Variants in MGST2 observed in about 807,000 individuals in gnomAD.
MGST2 encodes glutathione peroxidase MGST2.
A neutral mutation model predicts 16.6 loss-of-function variants in MGST2; 9 were observed. That is an observed-to-expected ratio of 0.54 (90% confidence interval 0.33 to 0.95). The LOEUF is 0.95. MGST2 is among the 40% of genes least tolerant of loss of function. MGST2 has a pLI of 0.03. For missense variants in MGST2, 159 were observed against 175.1 expected (o/e 0.91, Z 0.52); for synonymous variants, 79 against 68.0 (o/e 1.16, Z -0.79).
At chr4:139,730,932 C>CTAT (rs1728682694) in intron 5 of MGST2, 1 of 524,892 alleles carries the variant, frequency 1.9e-6, no homozygotes, top group South Asian at 2.6e-5. Flanking sequence ...ATGGGACTGA[C>CTAT]TATTGCATAT....
At position 139,703,441 on chromosome 4, in the gene MGST2, C is replaced by T; in HGVS notation, c.230-14C>T. 6.2e-7 allele frequency: 1 copy of T among 1,609,938 alleles called. No individual in the cohort carries two copies. Among genetic ancestry groups the T allele is most frequent in the Non-Finnish European group, 8.5e-7 (1 of 1,177,228 alleles). On this transcript the variant is annotated splice_polypyrimidine_tract_variant and intron_variant, in intron 3 of 4. Transcript: ENST00000265498. The stretch of plus-strand genomic sequence containing the variant: ...ATTTTGTGCCTTTTCTTTTTTTTTC[C>T]CACCCCCCTATAGTTTTTGCTACTT...
At chr4:139,739,161 G>T (rs1359782436) in intron 5 of MGST2, among the ~76,000 whole-genome samples, 1 of 152,144 alleles carries the variant, frequency 6.6e-6, no homozygotes, top group Admixed American at 6.5e-5. Flanking sequence ...ACCAACATCA[G>T]GTATAACTGG....
intron 5 of MGST2, among the ~76,000 whole-genome samples, chr4:139,712,634 T>C (rs1332355784): frequency 6.6e-6 from 1 of 152,182 alleles, no homozygotes; most frequent in African/African-American, 2.4e-5. Flanking sequence ...ACCTATGAGT[T>C]AGGTAAATTC....
chr4:139,717,680 C>T (rs1275819655), intron 5 of MGST2: 1 of 152,322 alleles, frequency 6.6e-6, no homozygotes, highest in Non-Finnish European at 1.5e-5. Context: ...TGTGGCCAGT[C>T]CAACCCCACA....
At chr4:139,698,566 C>A in intron 3 of MGST2, 1 of 789,054 alleles carries the variant, frequency 1.3e-6, no homozygotes, top group Middle Eastern at 2.6e-4. Context: ...GTACAGAGAC[C>A]TCCTTACTTA....
chr4:139,733,835 A>C (rs907322), intron 5 of MGST2, among the ~76,000 whole-genome samples: 67,368 of 151,920 alleles, frequency 0.44, 15,959 homozygotes, highest in South Asian at 0.54. Context: ...TACAGGTTTA[A>C]GCCACCATGC....
intron 3 of MGST2, among the ~76,000 whole-genome samples, chr4:139,702,709 G>C (rs1036951674): frequency 2.0e-5 from 3 of 151,982 alleles, no homozygotes; most frequent in African/African-American, 7.2e-5. Flanking sequence ...TGAGATTGCT[G>C]AGTCAAATGT....
chr4:139,713,069 G>A (rs1168060023), intron 5 of MGST2, among the ~76,000 whole-genome samples: 1 of 152,148 alleles, frequency 6.6e-6, no homozygotes, highest in African/African-American at 2.4e-5. Context: ...AAGTTTCCTT[G>A]ACTCTGAAAA....
At chr4:139,737,155 C>G (rs568056747) in intron 5 of MGST2, among the ~76,000 whole-genome samples, 1 of 152,048 alleles carries the variant, frequency 6.6e-6, no homozygotes. Context: ...ACAAGTCCCT[C>G]GTGTAATAAG....
chr4:139,744,036 C>T (rs1232263534), downstream of MGST2, among the ~76,000 whole-genome samples: 1 of 152,204 alleles, frequency 6.6e-6, no homozygotes, highest in Non-Finnish European at 1.5e-5. Context: ...ACTCTTAGTA[C>T]CTCTCAGAGG....
At chr4:139,719,596 C>A (rs201218119) in intron 5 of MGST2, 2 of 1,613,270 alleles carry the variant, frequency 1.2e-6, no homozygotes, top group Non-Finnish European at 1.7e-6. Context: ...TCAGGCCAGA[C>A]ATGACCATTG....
chr4:139,677,359 A>G (rs1731014405), intron 1 of MGST2, among the ~76,000 whole-genome samples: 1 of 152,230 alleles, frequency 6.6e-6, no homozygotes. Flanking sequence ...TGTAACATGT[A>G]CATTGGTTTG....
downstream of MGST2, among the ~76,000 whole-genome samples, chr4:139,744,417 G>T (rs528192790): frequency 6.6e-6 from 1 of 152,162 alleles, no homozygotes; most frequent in African/African-American, 2.4e-5. Context: ...CCACCCCCCA[G>T]GAGCATGGGT....
intron 5 of MGST2, among the ~76,000 whole-genome samples, chr4:139,736,989 TCTGAAAGGAGCCCATGG>T (rs1429901123): frequency 6.6e-6 from 1 of 152,080 alleles, no homozygotes; most frequent in Non-Finnish European, 1.5e-5. Flanking sequence ...ACCCAAGAAT[TCTGAAAGGAGCCCATGG>T]CTGAAAGGAG....
chr4:139,753,183 C>A, the MGST2 span, among the ~76,000 whole-genome samples: 1 of 152,148 alleles, frequency 6.6e-6, no homozygotes, highest in African/African-American at 2.4e-5. Flanking sequence ...TAAAATTTAT[C>A]ATTTTAACTC....
chr4:139,707,608 C>G (rs1471201271), downstream of MGST2, among the ~76,000 whole-genome samples: 1 of 151,410 alleles, frequency 6.6e-6, no homozygotes, highest in Non-Finnish European at 1.5e-5. Flanking sequence ...ATTTCTAGTT[C>G]TAGATCCCTG....
At chr4:139,691,722 G>A (rs1048349445) in intron 2 of MGST2, among the ~76,000 whole-genome samples, 4 of 151,102 alleles carry the variant, frequency 2.6e-5, no homozygotes, top group African/African-American at 4.9e-5. Context: ...TATTTGAGAC[G>A]GAATCTCACT....
At position 139,703,478 on chromosome 4, in the gene MGST2, G is replaced by C; in HGVS notation, c.253G>C (p.Val85Leu). The change falls in exon 4 of 5, where the codon GTG becomes CTG. Residue 85 changes from valine (V) to leucine (L), a missense_variant. By Grantham distance (32) the Val-to-Leu change is conservative. Coordinates refer to ENST00000265498, the MANE Select transcript of MGST2 (RefSeq NM_002413.5). ...AGTTTTTGCTACTTGTCTGGGTCTGGTGTACATATATGGCCGTCACCTATA... is the reference window on the plus strand; with the variant it reads ...AGTTTTTGCTACTTGTCTGGGTCTGCTGTACATATATGGCCGTCACCTATA... ...NQVFATCLGL[V>L]YIYGRHLYFW... The C allele has an allele frequency of 6.2e-7, 1 of 1,613,768 alleles. No individual in the cohort carries two copies. Among genetic ancestry groups the C allele is most frequent in the South Asian group, 1.1e-5 (1 of 91,056 alleles).
At chr4:139,709,228 G>T (rs1043303095), downstream of MGST2, among the ~76,000 whole-genome samples, 1 of 151,632 alleles carries the variant, frequency 6.6e-6, no homozygotes, top group African/African-American at 2.4e-5. Flanking sequence ...GACTAGAGGC[G>T]CCCGCCACCA....
Sources: allele counts gnomAD v4.1 joint callset (sites outside exome capture counted in the v4.1 genomes callset), GRCh38; gene constraint gnomAD v4.1.1; transcripts MANE v1.5; gene names NCBI Gene and HGNC (gene_info 2026-07-23, HGNC 2026-07-21).